Variants in TENM3 observed in about 807,000 individuals in gnomAD.
The protein encoded by TENM3 is teneurin transmembrane protein 3, also known as teneurin-3.
In TENM3, 63 loss-of-function variants were observed where a neutral mutation model predicts 255.1. The ratio of observed to expected loss-of-function variants is 0.25; its 90% CI spans 0.20 to 0.30. The LOEUF (loss-of-function observed/expected upper bound fraction) is 0.30. Among genes scored for constraint, TENM3 ranks in the 10% least tolerant of loss-of-function variants. TENM3 has a pLI of 1.00. For missense variants in TENM3, 2,929 were observed against 3,461.1 expected, an observed-to-expected ratio of 0.85 and a Z score of 3.86; for synonymous variants, 1,306 against 1,322.3, an observed-to-expected ratio of 0.99 and a Z score of 0.27.
the TENM3 span, among the ~76,000 whole-genome samples, chr4:181,468,703 T>G: frequency 6.6e-6 from 1 of 152,254 alleles, no homozygotes; most frequent in South Asian, 2.1e-4. Flanking sequence ...CACTCCATAT[T>G]GCTGCCAAGT....
the TENM3 span, among the ~76,000 whole-genome samples, chr4:181,560,773 G>A: frequency 6.6e-6 from 1 of 152,146 alleles, no homozygotes; most frequent in Non-Finnish European, 1.5e-5. Flanking sequence ...GAAGGTCCGG[G>A]AAGGCGTGCC....
chr4:182,787,383 G>A (rs1224050594), intron 24 of TENM3, among the ~76,000 whole-genome samples: 1 of 152,186 alleles, frequency 6.6e-6, no homozygotes, highest in Non-Finnish European at 1.5e-5. Context: ...ACTATCTGCT[G>A]TGACACGGTG....
the TENM3 span, among the ~76,000 whole-genome samples, chr4:181,819,578 T>C: frequency 6.6e-6 from 1 of 152,162 alleles, no homozygotes; most frequent in Non-Finnish European, 1.5e-5. Context: ...CACCAGGGAC[T>C]GGTTTCATGG....
intron 3 of TENM3, among the ~76,000 whole-genome samples, chr4:182,479,753 C>T (rs950643083): frequency 6.6e-6 from 1 of 151,888 alleles, no homozygotes; most frequent in Non-Finnish European, 1.5e-5. Context: ...GAGAATTCTA[C>T]GTAACTTCAA....
Position 182,696,165 on chromosome 4 carries a change from A to T in TENM3, c.2221+7814A>T, listed in dbSNP as rs191605958. Among the ~76,000 whole-genome samples the T allele has an allele frequency of 1.4e-4, 21 of 152,346 alleles. No individual in the cohort carries two copies. In the East Asian group the frequency reaches 2.7e-3, roughly 20 times the overall value. On this transcript the variant is annotated intron_variant, in intron 12 of 27. Coordinates refer to ENST00000511685, the MANE Select transcript of TENM3 (RefSeq NM_001080477.4). ...TAAGATCAGTTTATTACACAATAAAAAAAAAGTCTTTCCAAACTTGACAGT... is the reference window on the plus strand; with the variant it reads ...TAAGATCAGTTTATTACACAATAAATAAAAAGTCTTTCCAAACTTGACAGT...
At chr4:182,002,667 T>A in the TENM3 span, among the ~76,000 whole-genome samples, 1 of 152,106 alleles carries the variant, frequency 6.6e-6, no homozygotes, top group East Asian at 1.9e-4. Flanking sequence ...ATGAACTTCT[T>A]AAAATCAACA....
At chr4:182,729,266 C>A in intron 14 of TENM3, 85 bp downstream of exon 14, 1 of 1,202,384 alleles carries the variant, frequency 8.3e-7, no homozygotes, top group Non-Finnish European at 1.2e-6. Context: ...TGACTGTGAA[C>A]CTGAGGAAAG....
intron 22 of TENM3, among the ~76,000 whole-genome samples, chr4:182,769,164 G>A (rs2152785838): frequency 6.6e-6 from 1 of 152,298 alleles, no homozygotes; most frequent in Non-Finnish European, 1.5e-5. Context: ...TTGTTGGAAA[G>A]GTCTTTTTAA....
the TENM3 span, among the ~76,000 whole-genome samples, chr4:181,540,783 G>C: frequency 2.0e-5 from 3 of 152,102 alleles, no homozygotes; most frequent in Non-Finnish European, 4.4e-5. Flanking sequence ...AAGCTCAGGG[G>C]ACGTGATGCC....
chr4:181,647,809 C>T, the TENM3 span, among the ~76,000 whole-genome samples: 1 of 152,086 alleles, frequency 6.6e-6, no homozygotes, highest in Non-Finnish European at 1.5e-5. Flanking sequence ...CACGAAGGCG[C>T]TCAGGGAAAC....
At chr4:181,839,240 G>T in the TENM3 span, among the ~76,000 whole-genome samples, 457 of 147,928 alleles carry the variant, frequency 3.1e-3, 2 homozygotes, top group Middle Eastern at 7.1e-3. Flanking sequence ...TAGAAAAGAA[G>T]AATAATATAA....
chr4:181,575,350 G>A, the TENM3 span, among the ~76,000 whole-genome samples: 3 of 151,728 alleles, frequency 2.0e-5, no homozygotes, highest in Non-Finnish European at 4.4e-5. Flanking sequence ...ATACCAATAG[G>A]TTGATCTAAA....
chr4:181,560,792 C>T, the TENM3 span, among the ~76,000 whole-genome samples: 1 of 152,070 alleles, frequency 6.6e-6, no homozygotes, highest in Non-Finnish European at 1.5e-5. Flanking sequence ...CCCAGCACCC[C>T]GCCTGCTTTG....
the TENM3 span, among the ~76,000 whole-genome samples, chr4:181,823,415 C>G: frequency 6.6e-6 from 1 of 152,068 alleles, no homozygotes; most frequent in African/African-American, 2.4e-5. Flanking sequence ...GTATGTGAAC[C>G]ATTCATATTG....
the TENM3 span, among the ~76,000 whole-genome samples, chr4:181,610,442 G>A: frequency 3.3e-5 from 5 of 152,036 alleles, no homozygotes; most frequent in Non-Finnish European, 7.4e-5. Flanking sequence ...TTTTAATCCC[G>A]GGTTTTGTCA....
At chr4:182,649,708 G>A (rs561543887) in intron 5 of TENM3, among the ~76,000 whole-genome samples, 1 of 150,420 alleles carries the variant, frequency 6.6e-6, no homozygotes, top group Admixed American at 6.7e-5. Flanking sequence ...GTTTTAGACA[G>A]AATAGTGGGA....
At chr4:182,247,645 G>C (rs929912293) in intron 1 of TENM3, among the ~76,000 whole-genome samples, 1 of 152,142 alleles carries the variant, frequency 6.6e-6, no homozygotes, top group African/African-American at 2.4e-5. Context: ...AAGTACCTGC[G>C]GGTGGATGCT....
intron 1 of TENM3, among the ~76,000 whole-genome samples, chr4:182,220,178 A>G (rs889068504): frequency 1.3e-5 from 2 of 152,028 alleles, no homozygotes; most frequent in African/African-American, 4.8e-5. Flanking sequence ...GGAGTTCAAG[A>G]CTAGCCTGGC....
At chr4:182,429,012 T>C (rs62339005) in intron 3 of TENM3, among the ~76,000 whole-genome samples, 2,083 of 152,270 alleles carry the variant, frequency 0.014, 25 homozygotes, top group Non-Finnish European at 0.021. Flanking sequence ...ATATCTTTGT[T>C]TGTCTATTGA....
Sources: gnomAD v4.1 joint callset for allele counts (sites outside exome capture counted in the v4.1 genomes callset) on GRCh38, gnomAD v4.1.1 for gene constraint, MANE v1.5 for transcripts, NCBI Gene and HGNC (gene_info 2026-07-23, HGNC 2026-07-21) for gene names.